The following ARHGAP10 variants were observed in gnomAD, a reference collection of about 807,000 sequenced individuals.
ARHGAP10 encodes the protein rho GTPase-activating protein 10.
ARHGAP10 carries 87 observed loss-of-function variants against 108.6 expected under a neutral mutation model. The ratio of observed to expected loss-of-function variants is 0.80; its 90% CI spans 0.67 to 0.96. The LOEUF (loss-of-function observed/expected upper bound fraction) is 0.96. Among genes scored for constraint, ARHGAP10 ranks in the 40% least tolerant of loss-of-function variants. The pLI is 0.00. For synonymous variants in ARHGAP10, 347 were observed against 341.1 expected (o/e 1.02, Z -0.19); for missense variants, 939 against 954.5 (o/e 0.98, Z 0.21).
At chr4:147,933,566 G>C (rs1334745683) in intron 13 of ARHGAP10, among the ~76,000 whole-genome samples, 2 of 152,218 alleles carry the variant, frequency 1.3e-5, no homozygotes, top group Non-Finnish European at 2.9e-5. Context: ...CAGCACTAGA[G>C]GATGCTCTAA....
chr4:147,893,613 C>CTA (rs1184210850), intron 10 of ARHGAP10, among the ~76,000 whole-genome samples: 5 of 147,008 alleles, frequency 3.4e-5, no homozygotes, highest in Admixed American at 6.9e-5. Flanking sequence ...ATATATAGAA[C>CTA]TATATATATA....
At chr4:147,800,990 G>C (rs1731558623) in intron 1 of ARHGAP10, among the ~76,000 whole-genome samples, 1 of 152,152 alleles carries the variant, frequency 6.6e-6, no homozygotes, top group South Asian at 2.1e-4. Flanking sequence ...ATATTTAGTA[G>C]AGACAGCGTT....
chr4:147,849,560 A>G (rs1185273414), intron 4 of ARHGAP10, among the ~76,000 whole-genome samples: 1 of 152,240 alleles, frequency 6.6e-6, no homozygotes, highest in African/African-American at 2.4e-5. Flanking sequence ...AGTTGACCAC[A>G]TCAGAATTTT....
At chr4:148,067,518 A>G (rs1729950326) in intron 22 of ARHGAP10, among the ~76,000 whole-genome samples, 1 of 152,182 alleles carries the variant, frequency 6.6e-6, no homozygotes, top group South Asian at 2.1e-4. Flanking sequence ...AGCCCACAGG[A>G]GTACTGCCGG....
intron 18 of ARHGAP10, among the ~76,000 whole-genome samples, chr4:148,015,092 G>T (rs1044350953): frequency 6.6e-6 from 1 of 152,084 alleles, no homozygotes; most frequent in Non-Finnish European, 1.5e-5. Flanking sequence ...CCTGTGACAT[G>T]GTAGAGAGGG....
At chr4:148,058,537 T>G (rs891456723) in intron 20 of ARHGAP10, among the ~76,000 whole-genome samples, 4 of 152,030 alleles carry the variant, frequency 2.6e-5, no homozygotes, top group Non-Finnish European at 5.9e-5. Flanking sequence ...GATGCAGGAG[T>G]TCTCTGGTGA....
chr4:147,936,722 C>T lies in ARHGAP10; in HGVS notation c.1229-3103C>T, dbSNP rs1179530925. Among the ~76,000 whole-genome samples the T allele has an allele frequency of 1.2e-4, 18 of 152,164 alleles. 1 individual carries two copies. The highest frequency in any genetic ancestry group is 1.2e-3 in the Admixed American group (18 of 15,286). ...AGTGTTCTGAGTAGACTTAGGTAGA[C>T]TAAGGGCTAGCCTTTGCTCTTCTGG... On this transcript the variant is annotated intron_variant, in intron 13 of 22. Coordinates refer to ENST00000336498, the MANE Select transcript of ARHGAP10 (RefSeq NM_024605.4).
At chr4:147,915,146 G>A (rs1444269059) in intron 13 of ARHGAP10, among the ~76,000 whole-genome samples, 1 of 151,774 alleles carries the variant, frequency 6.6e-6, no homozygotes, top group Non-Finnish European at 1.5e-5. Context: ...TAGTGTGTAG[G>A]ATATCGGCGG....
chr4:147,902,493 C>T (rs984369439), intron 10 of ARHGAP10, among the ~76,000 whole-genome samples: 2 of 152,098 alleles, frequency 1.3e-5, no homozygotes, highest in African/African-American at 4.8e-5. Context: ...TTTAGGAGGC[C>T]GAGGTGGGCC....
chr4:147,971,612 C>T (rs1050672263), intron 18 of ARHGAP10, among the ~76,000 whole-genome samples: 2 of 152,080 alleles, frequency 1.3e-5, no homozygotes, highest in African/African-American at 4.8e-5. Context: ...ACCATGTAAT[C>T]AGAGAAACAC....
chr4:147,860,192 C>T (rs2126836848), intron 5 of ARHGAP10, among the ~76,000 whole-genome samples: 1 of 152,326 alleles, frequency 6.6e-6, no homozygotes, highest in African/African-American at 2.4e-5. Flanking sequence ...CCTGTAATCC[C>T]AGCACTGTGG....
intron 16 of ARHGAP10, among the ~76,000 whole-genome samples, chr4:147,957,807 C>T (rs1206128362): frequency 6.6e-6 from 1 of 152,034 alleles, no homozygotes; most frequent in East Asian, 1.9e-4. Flanking sequence ...GTTCATGATA[C>T]AAATATAAAT....
rs575700520 is a variant in ARHGAP10 at position 147,946,676 on chromosome 4, A to T, written c.1363A>T (p.Ile455Leu). The change falls in exon 15 of 23, where the codon ATA becomes TTA. Residue 455 changes from isoleucine (I) to leucine (L), a missense_variant. Ile to Leu is a conservative substitution (Grantham distance 5). Transcript: ENST00000336498. ...TTCTGCAGATTGGGAAGTGAAGACAATAACAAGTGCCTTGAAACAGTATTT... is the reference window on the plus strand; with the variant it reads ...TTCTGCAGATTGGGAAGTGAAGACATTAACAAGTGCCTTGAAACAGTATTT... ...ENSADWEVKT[I>L]TSALKQYLRS... The T allele has an allele frequency of 1.2e-6, 2 of 1,612,374 alleles. No homozygotes were observed. The highest frequency in any genetic ancestry group is 2.2e-5 in the South Asian group (2 of 90,548).
chr4:147,942,364 AT>A (rs1738192524), intron 14 of ARHGAP10, among the ~76,000 whole-genome samples: 1 of 152,118 alleles, frequency 6.6e-6, no homozygotes, highest in African/African-American at 2.4e-5. Context: ...TTACTTTAGA[AT>A]TTTTTATTGC....
chr4:148,054,798 A>T (rs1729291637), intron 20 of ARHGAP10, among the ~76,000 whole-genome samples: 1 of 152,186 alleles, frequency 6.6e-6, no homozygotes, highest in Non-Finnish European at 1.5e-5. Context: ...CCGTATACCC[A>T]GGTAGCTCAC....
chr4:147,745,609 A>T (rs1474028695), intron 1 of ARHGAP10, among the ~76,000 whole-genome samples: 1 of 152,168 alleles, frequency 6.6e-6, no homozygotes, highest in African/African-American at 2.4e-5. Context: ...CTCCTGCCTC[A>T]GCCTCCCGAG....
intron 13 of ARHGAP10, among the ~76,000 whole-genome samples, chr4:147,925,032 C>T (rs1301428588): frequency 6.6e-6 from 1 of 151,852 alleles, no homozygotes; most frequent in East Asian, 1.9e-4. Context: ...TTCACTTTAT[C>T]TGTTAATTTT....
intron 3 of ARHGAP10, among the ~76,000 whole-genome samples, chr4:147,844,165 C>T (rs1733537368): frequency 6.6e-6 from 1 of 151,852 alleles, no homozygotes; most frequent in African/African-American, 2.4e-5. Flanking sequence ...AAATAGTGTC[C>T]TTTATTTTTT....
At chr4:147,985,529 G>A (rs1270864446) in intron 18 of ARHGAP10, among the ~76,000 whole-genome samples, 3 of 152,170 alleles carry the variant, frequency 2.0e-5, no homozygotes, top group African/African-American at 4.8e-5. Context: ...ATGGGGGAGA[G>A]CACAATTCTA....
Sources: gnomAD v4.1 joint callset for allele counts (sites outside exome capture counted in the v4.1 genomes callset) on GRCh38, gnomAD v4.1.1 for gene constraint, MANE v1.5 for transcripts, NCBI Gene and HGNC (gene_info 2026-07-23, HGNC 2026-07-21) for gene names.